The following TLN2 variants were observed in gnomAD, a reference collection of about 807,000 sequenced individuals.
The protein encoded by TLN2 is talin-2.
TLN2 carries 118 observed loss-of-function variants against 294.7 expected under a neutral mutation model. The ratio of observed to expected loss-of-function variants is 0.40; its 90% CI spans 0.34 to 0.47. The LOEUF (loss-of-function observed/expected upper bound fraction) is 0.47. TLN2 is among the 20% of genes least tolerant of loss of function. The pLI is 0.84. For missense variants in TLN2, 3,083 were observed against 3,282.2 expected, an observed-to-expected ratio of 0.94 and a Z score of 1.48; for synonymous variants, 1,431 against 1,304.5, an observed-to-expected ratio of 1.10 and a Z score of -2.09.
At chr15:62,497,448 C>G (rs1363256700) in intron 1 of TLN2, among the ~76,000 whole-genome samples, 2 of 152,234 alleles carry the variant, frequency 1.3e-5, no homozygotes, top group Non-Finnish European at 2.9e-5. Flanking sequence ...GTGGTACTTT[C>G]CTCTGCTCCT....
At chr15:62,683,773 T>C (rs745366867) in intron 11 of TLN2, among the ~76,000 whole-genome samples, 15 of 152,146 alleles carry the variant, frequency 9.9e-5, no homozygotes, top group Non-Finnish European at 2.2e-4. Context: ...CTTTGTCTAC[T>C]GGAGATAAAA....
At chr15:62,781,300 G>A (rs1019159502) in intron 44 of TLN2, 59 bp downstream of exon 44, 18 of 1,317,512 alleles carry the variant, frequency 1.4e-5, no homozygotes, top group East Asian at 2.3e-5. Context: ...CACTGCCGCC[G>A]CTGAGCCTGC....
At chr15:62,815,181 A>G (rs760486021) in intron 52 of TLN2, among the ~76,000 whole-genome samples, 1 of 19,342 alleles carries the variant, frequency 5.2e-5, no homozygotes, top group African/African-American at 1.5e-4. Context: ...TGTCTGTCAC[A>G]CACACACACA....
intron 12 of TLN2, among the ~76,000 whole-genome samples, chr15:62,687,034 G>C (rs1276095618): frequency 1.3e-5 from 2 of 152,168 alleles, no homozygotes; most frequent in Non-Finnish European, 2.9e-5. Context: ...ACATAAGTCA[G>C]CCTCTAGTTC....
At chr15:62,832,585 A>T (rs889587003) in intron 54 of TLN2, 2 of 152,230 alleles carry the variant, frequency 1.3e-5, no homozygotes, top group Admixed American at 1.3e-4. Context: ...TTAGACCAGA[A>T]CCCTAATGGT....
At chr15:62,692,212 T>C (rs1183083357) in intron 12 of TLN2, among the ~76,000 whole-genome samples, 3 of 152,208 alleles carry the variant, frequency 2.0e-5, no homozygotes, top group Non-Finnish European at 4.4e-5. Context: ...CTACCTGCTA[T>C]TGCTGGGTGA....
At chr15:62,827,004 C>A (rs996191159) in intron 54 of TLN2, among the ~76,000 whole-genome samples, 1 of 152,182 alleles carries the variant, frequency 6.6e-6, no homozygotes, top group Non-Finnish European at 1.5e-5. Context: ...GGTGGTTCTT[C>A]AGTTTGTGGA....
intron 2 of TLN2, among the ~76,000 whole-genome samples, chr15:62,605,536 A>G (rs2047360231): frequency 6.6e-6 from 1 of 152,156 alleles, no homozygotes; most frequent in Admixed American, 6.5e-5. Flanking sequence ...CCCTATCCCC[A>G]GCACCATCTT....
intron 1 of TLN2, among the ~76,000 whole-genome samples, chr15:62,548,881 T>C (rs1223763084): frequency 6.6e-6 from 1 of 152,160 alleles, no homozygotes; most frequent in Non-Finnish European, 1.5e-5. Flanking sequence ...TATGGGTGGA[T>C]TTGAATCCTA....
intron 1 of TLN2, among the ~76,000 whole-genome samples, chr15:62,462,970 C>G (rs1171663982): frequency 6.6e-6 from 1 of 152,200 alleles, no homozygotes; most frequent in Non-Finnish European, 1.5e-5. Flanking sequence ...GCCAAACTCT[C>G]TAGAGCTCCC....
chr15:62,471,593 T>A (rs1347853165), intron 1 of TLN2, among the ~76,000 whole-genome samples: 1 of 152,140 alleles, frequency 6.6e-6, no homozygotes, highest in Non-Finnish European at 1.5e-5. Context: ...TTCTGTTCCC[T>A]TGTCTCTGTC....
rs1277119079 is a variant in TLN2, at chr15:62,756,150, G to GA, written c.4638+462dup. Reference sequence around the variant, plus strand: ...AAGGAGAAGGGAATGGGAGATTGTGGAAAAATCACTTAAAACATTTTCATC... The same window carrying GA: ...AAGGAGAAGGGAATGGGAGATTGTGGAAAAAATCACTTAAAACATTTTCATC... On this transcript the variant is annotated intron_variant, in intron 37 of 58. Coordinates refer to ENST00000636159, the MANE Select transcript of TLN2 (RefSeq NM_015059.3). Among the ~76,000 whole-genome samples, 3 of 152,276 alleles carry GA rather than the reference G, an allele frequency of 2.0e-5. No individual in the cohort carries two copies. In the East Asian group the frequency reaches 5.8e-4, roughly 29 times the overall value.
intron 50 of TLN2, among the ~76,000 whole-genome samples, chr15:62,801,361 T>A (rs2065916296): frequency 6.6e-6 from 1 of 152,362 alleles, no homozygotes; most frequent in Non-Finnish European, 1.5e-5. Flanking sequence ...TGATATCTGC[T>A]GTTCTTATGA....
chr15:62,646,195 C>G (rs979166794), intron 3 of TLN2, among the ~76,000 whole-genome samples: 1 of 150,982 alleles, frequency 6.6e-6, no homozygotes, highest in African/African-American at 2.4e-5. Flanking sequence ...CAGAGTCTTG[C>G]TCTGTTGCCC....
In TLN2 at chr15:62,719,860, T is replaced by C. The variant is rs1175641248; in HGVS notation, c.2971T>C (p.Ser991Pro). The change falls in exon 25 of 59, where the codon TCC becomes CCC. Residue 991 changes from serine to proline, a missense_variant. Transcript: ENST00000636159. ...DLSAQLALII[S>P]SQNFLQPGSK... ...GAGTGCCCAGCTGGCTCTCATCATC[T>C]CCAGCCAGAACTTCCTCCAGGTAAC... The C allele has an allele frequency of 6.8e-6, 11 of 1,610,722 alleles. No individual in the cohort carries two copies. The highest frequency in any genetic ancestry group is 9.3e-6 in the Non-Finnish European group (11 of 1,178,500).
chr15:62,631,323 C>T (rs146304855), intron 3 of TLN2, among the ~76,000 whole-genome samples: 6 of 152,226 alleles, frequency 3.9e-5, no homozygotes, highest in East Asian at 1.9e-4. Flanking sequence ...ACATGCAAAC[C>T]GTAATAGAGG....
At chr15:62,702,225 C>A (rs369688491) in intron 18 of TLN2, 25 bp downstream of exon 18, 30 of 1,556,486 alleles carry the variant, frequency 1.9e-5, no homozygotes, top group Non-Finnish European at 2.6e-5. Context: ...CAAGCAATCA[C>A]TCAGGTTCTG....
At chr15:62,620,682 A>G (rs542595642) in intron 3 of TLN2, among the ~76,000 whole-genome samples, 6 of 151,192 alleles carry the variant, frequency 4.0e-5, no homozygotes, top group African/African-American at 9.7e-5. Flanking sequence ...AGATTTTGCT[A>G]TGTTGCCCAG....
At position 62,781,188 on chromosome 15, in the gene TLN2, C is replaced by G; in HGVS notation, c.5563C>G (p.Gln1855Glu). 2.5e-6 allele frequency: 4 copies of G among 1,614,206 alleles called. No homozygotes were observed. The highest frequency in any genetic ancestry group is 3.4e-6 in the Non-Finnish European group (4 of 1,180,034). Residue 1855 changes from glutamine (Q) to glutamate (E), a missense_variant, in exon 44 of 59, where the codon CAG (glutamine) becomes GAG (glutamate). Gln to Glu is a conservative substitution (Grantham distance 29). Coordinates refer to ENST00000636159, the MANE Select transcript of TLN2 (RefSeq NM_015059.3). ...ACCAAAGGGAACATTTGTCGACTAT[C>G]AGACGACTGTGGTTAAATACTCCAA... is the stretch of plus-strand genomic sequence containing the variant. Reference protein sequence around the residue: ...PEPKGTFVDYQTTVVKYSKAI... With the variant: ...PEPKGTFVDYETTVVKYSKAI...
Sources: gnomAD v4.1 joint callset for allele counts (sites outside exome capture counted in the v4.1 genomes callset) on GRCh38, gnomAD v4.1.1 for gene constraint, MANE v1.5 for transcripts, NCBI Gene and HGNC (gene_info 2026-07-23, HGNC 2026-07-21) for gene names.